The following MAP2 variants were observed in gnomAD, a reference collection of about 807,000 sequenced individuals.
The protein encoded by MAP2 is microtubule-associated protein 2.
Under a neutral mutation model 137.6 loss-of-function variants are expected in MAP2, and 14 were observed. The ratio of observed to expected loss-of-function variants is 0.10; its 90% CI spans 0.07 to 0.16. MAP2 has a LOEUF of 0.16. Among genes scored for constraint, MAP2 ranks in the 10% least tolerant of loss-of-function variants. The pLI is 1.00. For missense variants in MAP2, 2,088 were observed against 2,191.5 expected (o/e 0.95, Z 0.94); for synonymous variants, 786 against 782.3 (o/e 1.00, Z -0.08).
At position 209,649,423 on chromosome 2, in the gene MAP2, T is replaced by C. The variant is rs962268506; in HGVS notation, c.-29-3719T>C. On this transcript the variant is annotated intron_variant, in intron 4 of 15. Coordinates refer to ENST00000682079, the MANE Select transcript of MAP2 (RefSeq NM_001375505.1). The stretch of plus-strand genomic sequence containing the variant: ...AAGAAGGCTATGGTACTTTTAACTA[T>C]GTTGAAAATACCATTTTGAAGAACA... Among the ~76,000 whole-genome samples, 8 of 152,192 alleles carry C rather than the reference T, an allele frequency of 5.3e-5. No individual in the cohort carries two copies. The East Asian group carries it at 1.3e-3, about 26-fold the overall frequency.
At chr2:209,622,864 T>C (rs1399670392) in intron 3 of MAP2, among the ~76,000 whole-genome samples, 1 of 152,166 alleles carries the variant, frequency 6.6e-6, no homozygotes, top group African/African-American at 2.4e-5. Context: ...AAAGTCAAGC[T>C]TATGTGAAAA....
At chr2:209,536,001 CAG>C (rs1192812318) in intron 2 of MAP2, among the ~76,000 whole-genome samples, 8 of 152,016 alleles carry the variant, frequency 5.3e-5, no homozygotes, top group African/African-American at 1.9e-4. Context: ...TACTAAGAAA[CAG>C]AAAGTTAGGT....
Position 209,531,574 on chromosome 2 carries a change from C to A in MAP2, c.-172+23933C>A, listed in dbSNP as rs774548311. The stretch of plus-strand genomic sequence containing the variant: ...TGAGTCAGAAGTTGAGGAAAATTTA[C>A]CTTCAATACCCTTGAGTTATTTAAT... On this transcript the variant is annotated intron_variant, in intron 2 of 15. Coordinates refer to ENST00000682079, the MANE Select transcript of MAP2 (RefSeq NM_001375505.1). Among the ~76,000 whole-genome samples, 15 of 152,122 alleles carry A rather than the reference C, an allele frequency of 9.9e-5. 1 individual carries two copies. Among genetic ancestry groups the A allele is most frequent in the Non-Finnish European group, 4.4e-5 (3 of 68,012 alleles).
At chr2:209,535,056 C>T (rs1456384450) in intron 2 of MAP2, among the ~76,000 whole-genome samples, 2 of 152,094 alleles carry the variant, frequency 1.3e-5, no homozygotes, top group Non-Finnish European at 2.9e-5. Context: ...CCTCTGGCTA[C>T]TACCTCCCCA....
In MAP2 at chr2:209,692,952, A is replaced by G. The variant is rs148073159; in HGVS notation, c.782A>G (p.Glu261Gly). The G allele has an allele frequency of 1.1e-5, 17 of 1,613,978 alleles. No homozygotes were observed. The highest frequency in any genetic ancestry group is 5.0e-5 in the Admixed American group (3 of 59,986). ...CCTAAAGAGCCTCCAACTCCAAAAGAACAAAAGGACTGGTTCATCGAAATG... is the reference window on the plus strand; with the variant it reads ...CCTAAAGAGCCTCCAACTCCAAAAGGACAAAAGGACTGGTTCATCGAAATG... Reference protein sequence around the residue: ...DLPKEPPTPKEQKDWFIEMPT... With the variant: ...DLPKEPPTPKGQKDWFIEMPT... The change falls in exon 8 of 16, where the codon GAA (glutamate) becomes GGA (glycine). Residue 261 changes from glutamate (E) to glycine (G), a missense_variant. Transcript: ENST00000682079.
At chr2:209,721,155 A>G (rs908413962) in intron 13 of MAP2, among the ~76,000 whole-genome samples, 2 of 152,226 alleles carry the variant, frequency 1.3e-5, no homozygotes, top group Non-Finnish European at 2.9e-5. Flanking sequence ...GAATAGGCGA[A>G]CATTCAGGTG....
intron 1 of MAP2, among the ~76,000 whole-genome samples, chr2:209,428,964 T>TTTA (rs1266968784): frequency 8.5e-6 from 1 of 117,924 alleles, no homozygotes; most frequent in African/African-American, 3.7e-5. Context: ...TATTTATTTA[T>TTTA]TTATTTTGAG....
intron 5 of MAP2, among the ~76,000 whole-genome samples, chr2:209,675,561 T>A (rs1313119415): frequency 2.0e-5 from 3 of 151,848 alleles, no homozygotes; most frequent in African/African-American, 7.2e-5. Context: ...ATTTATACAG[T>A]GTACCACAAT....
chr2:209,589,031 G>A (rs139519270), intron 3 of MAP2, among the ~76,000 whole-genome samples: 24 of 152,116 alleles, frequency 1.6e-4, no homozygotes, highest in African/African-American at 5.8e-4. Flanking sequence ...ATTACATTAA[G>A]CATGCAATGT....
At chr2:209,595,641 A>G (rs752385228) in intron 3 of MAP2, among the ~76,000 whole-genome samples, 1 of 152,236 alleles carries the variant, frequency 6.6e-6, no homozygotes, top group Non-Finnish European at 1.5e-5. Context: ...TCATGCTACT[A>G]TAAAGACACA....
intron 2 of MAP2, among the ~76,000 whole-genome samples, chr2:209,549,719 A>G (rs778660420): frequency 1.1e-4 from 17 of 152,128 alleles, no homozygotes; most frequent in Non-Finnish European, 7.4e-5. Context: ...CAAGTTGGAC[A>G]CTCTTTTTAG....
chr2:209,565,632 T>A lies in MAP2; in HGVS notation c.-171-14404T>A, dbSNP rs527877758. 9.8e-5 allele frequency among the ~76,000 whole-genome samples: 15 copies of A among 152,314 alleles called. No homozygotes were observed. The South Asian group carries it at 1.7e-3, about 17-fold the overall frequency. ...GTCATAGGTATATCCTTATCCAAAG[T>A]TTTTTTCTTTTTCTCACATTTGTCA... On this transcript the variant is annotated intron_variant, in intron 2 of 15. Coordinates refer to ENST00000682079, the MANE Select transcript of MAP2 (RefSeq NM_001375505.1).
intron 2 of MAP2, among the ~76,000 whole-genome samples, chr2:209,569,855 A>C (rs1318539439): frequency 6.6e-6 from 1 of 151,834 alleles, no homozygotes; most frequent in Non-Finnish European, 1.5e-5. Context: ...TATCATCTGT[A>C]CTTCTAAGAT....
At chr2:209,596,978 A>G (rs2081455768) in intron 3 of MAP2, among the ~76,000 whole-genome samples, 1 of 152,184 alleles carries the variant, frequency 6.6e-6, no homozygotes, top group Admixed American at 6.5e-5. Context: ...ATTCAGAAAA[A>G]GATCCAGAAT....
chr2:209,434,837 A>ATATATGT (rs1695303448), intron 1 of MAP2, among the ~76,000 whole-genome samples: 61 of 102,608 alleles, frequency 5.9e-4, no homozygotes, highest in African/African-American at 3.0e-3. Flanking sequence ...CTCTCTCTAT[A>ATATATGT]TATATATATA....
intron 5 of MAP2, among the ~76,000 whole-genome samples, chr2:209,662,625 A>G (rs1275907721): frequency 6.6e-6 from 1 of 151,630 alleles, no homozygotes; most frequent in Non-Finnish European, 1.5e-5. Flanking sequence ...ATGTTTTTCA[A>G]TTTTTTTGAG....
chr2:209,672,128 T>G lies in MAP2; in HGVS notation c.263-6444T>G, dbSNP rs1007312134. ...GGCAATGGTGCAGCATGAATCAGCA[T>G]TAGGGAAAAAACCAGAGGGTCATGA... On this transcript the variant is annotated intron_variant, in intron 5 of 15. Transcript: ENST00000682079. Among the ~76,000 whole-genome samples, 9 of 151,882 alleles carry G rather than the reference T, an allele frequency of 5.9e-5. No individual in the cohort carries two copies. The Admixed American group carries it at 5.9e-4, about 10-fold the overall frequency.
At chr2:209,652,861 G>T (rs1041792081) in intron 4 of MAP2, among the ~76,000 whole-genome samples, 5 of 151,868 alleles carry the variant, frequency 3.3e-5, no homozygotes, top group South Asian at 2.1e-4. Flanking sequence ...TTGTTGTTTG[G>T]TTTTTTGTTT....
At chr2:209,448,754 T>C (rs1699674236) in intron 1 of MAP2, among the ~76,000 whole-genome samples, 1 of 152,212 alleles carries the variant, frequency 6.6e-6, no homozygotes, top group Admixed American at 6.5e-5. Flanking sequence ...AAAAGGTTAC[T>C]TGTCACTGGG....
Sources: gnomAD v4.1 joint callset for allele counts (sites outside exome capture counted in the v4.1 genomes callset) on GRCh38, gnomAD v4.1.1 for gene constraint, MANE v1.5 for transcripts, NCBI Gene and HGNC (gene_info 2026-07-23, HGNC 2026-07-21) for gene names.